The following ACSF2 variants were observed in gnomAD, a reference collection of about 807,000 sequenced individuals.
The protein encoded by ACSF2 is medium-chain acyl-CoA ligase ACSF2, mitochondrial.
A neutral mutation model predicts 79.3 loss-of-function variants in ACSF2; 52 were observed. The observed-to-expected ratio is 0.66, with a 90% CI of 0.53 to 0.83. The LOEUF is 0.83. ACSF2 is among the 40% of genes least tolerant of loss of function. The pLI is 0.00. For synonymous variants in ACSF2, 283 were observed against 312.6 expected, an observed-to-expected ratio of 0.91 and a Z score of 1.00; for missense variants, 661 against 803.3, an observed-to-expected ratio of 0.82 and a Z score of 2.14.
chr17:50,462,997 C>A (rs2032443221), intron 6 of ACSF2, 159 bp from the exon 7 acceptor site: 2 of 664,000 alleles, frequency 3.0e-6, no homozygotes, highest in African/African-American at 1.8e-5. Context: ...GACCCTGACA[C>A]CTGGTATCGT....
chr17:50,427,121 C>T, intron 1 of ACSF2: 1 of 845,342 alleles, frequency 1.2e-6, no homozygotes, highest in South Asian at 1.7e-5. Flanking sequence ...ACTGGGGAGC[C>T]CTGTGCACTA....
chr17:50,441,904 A>G (rs918383265), intron 1 of ACSF2, among the ~76,000 whole-genome samples: 6 of 152,114 alleles, frequency 3.9e-5, no homozygotes, highest in Admixed American at 6.6e-5. Context: ...GCATGGCACA[A>G]TCATGGCTTA....
chr17:50,455,979 G>A (rs1259566640), intron 1 of ACSF2, among the ~76,000 whole-genome samples: 1 of 152,072 alleles, frequency 6.6e-6, no homozygotes, highest in Non-Finnish European at 1.5e-5. Context: ...CATTTACAGG[G>A]CAACCCAGTT....
chr17:50,426,241 G>A lies in ACSF2; in HGVS notation c.-21G>A. On this transcript the variant is annotated 5_prime_UTR_variant, in exon 1 of 16. Coordinates refer to ENST00000300441, the MANE Select transcript of ACSF2 (RefSeq NM_025149.6). Reference sequence around the variant, plus strand: ...TCACTTTAAAAGTTTACTCGGGCCGGGACGCAGGGCAAAGCGAGCCATGGC... The same window carrying A: ...TCACTTTAAAAGTTTACTCGGGCCGAGACGCAGGGCAAAGCGAGCCATGGC... 7.5e-7 allele frequency: 1 copy of A among 1,326,560 alleles called. No individual in the cohort carries two copies. Among genetic ancestry groups the A allele is most frequent in the Non-Finnish European group, 9.7e-7 (1 of 1,031,204 alleles). The allele number at this position is 1,326,560 out of a possible 1,614,324, so 82.2% of individuals were successfully genotyped here.
chr17:50,463,242 G>T lies in ACSF2; in HGVS notation c.879G>T (p.Leu293=), dbSNP rs765934550. 6.2e-7 allele frequency: 1 copy of T among 1,614,114 alleles called. No homozygotes were observed. The highest frequency in any genetic ancestry group is 8.5e-7 in the Non-Finnish European group (1 of 1,180,032). ...ACATTTTAGGAGAGCGCCTGAAACT[G>T]CATGAGAAGGTGAGGCGGCACTAGG... ...NSNILGERLK[L]HEKTPEQLRM... Residue 293 remains leucine (L), a synonymous_variant, in exon 7 of 16, where the codon CTG becomes CTT. Transcript: ENST00000300441. The surrounding 1 kb of genome is among the most constrained non-coding windows in gnomAD (Gnocchi z 4.6).
chr17:50,464,123 A>G, intron 9 of ACSF2, 95 bp from the exon 10 acceptor site: 1 of 1,424,698 alleles, frequency 7.0e-7, no homozygotes. Flanking sequence ...TCAGAGGAGA[A>G]AAGGGAATGT....
intron 1 of ACSF2, chr17:50,450,545 G>A (rs920232426): frequency 6.6e-6 from 1 of 151,732 alleles, no homozygotes; most frequent in African/African-American, 2.4e-5. Flanking sequence ...TCCATTTTGT[G>A]GATTTGCTGG....
intron 6 of ACSF2, 27 bp downstream of exon 6, chr17:50,462,612 G>A (rs748224887): frequency 1.9e-6 from 3 of 1,605,412 alleles, no homozygotes; most frequent in Middle Eastern, 3.3e-4. Context: ...CAGGCCCCAA[G>A]CCCAGATGGA....
chr17:50,456,665 G>A (rs2032024692), intron 1 of ACSF2, among the ~76,000 whole-genome samples: 1 of 152,072 alleles, frequency 6.6e-6, no homozygotes, highest in Non-Finnish European at 1.5e-5. Context: ...CCAGGAGGCG[G>A]AGGTTGTGGT....
At chr17:50,440,889 A>C (rs756193541) in intron 1 of ACSF2, among the ~76,000 whole-genome samples, 11 of 152,266 alleles carry the variant, frequency 7.2e-5, no homozygotes, top group African/African-American at 1.2e-4. Context: ...GAGGCAGCAA[A>C]GAAAAAGAAT....
In ACSF2 at chr17:50,458,640, C is replaced by T. The variant is rs2032156933; in HGVS notation, c.129-2037C>T. The stretch of plus-strand genomic sequence containing the variant: ...CCTGTCTTTCCCACCAGACCCTTAT[C>T]TCTGCAAGGACAGGGACTGTATTTG... On this transcript the variant is annotated intron_variant, in intron 1 of 15. Transcript: ENST00000300441. 2.0e-5 allele frequency among the ~76,000 whole-genome samples: 3 copies of T among 152,224 alleles called. No individual in the cohort carries two copies. In the South Asian group the frequency reaches 6.2e-4, roughly 32 times the overall value.
chr17:50,446,477 C>T (rs915986720), intron 1 of ACSF2, among the ~76,000 whole-genome samples: 1 of 152,016 alleles, frequency 6.6e-6, no homozygotes, highest in Non-Finnish European at 1.5e-5. Context: ...AGGCTGATTT[C>T]GAACTCCTGA....
intron 3 of ACSF2, 76 bp downstream of exon 3, chr17:50,461,446 G>T: frequency 6.2e-7 from 1 of 1,604,382 alleles, no homozygotes. Flanking sequence ...CAGGCCCTCA[G>T]CCCCAGGATC....
At position 50,472,425 on chromosome 17, in the gene ACSF2, C is replaced by T; in HGVS notation, c.1324-3C>T. 1 of 1,610,788 alleles carries T rather than the reference C, an allele frequency of 6.2e-7. No individual in the cohort carries two copies. The highest frequency in any genetic ancestry group is 8.5e-7 in the Non-Finnish European group (1 of 1,178,622). Reference sequence around the variant, plus strand: ...GCCCCAACCTGAGGCCATCCTGTCCCAGGCCCGGATCATGAACATGGAGGC... The same window carrying T: ...GCCCCAACCTGAGGCCATCCTGTCCTAGGCCCGGATCATGAACATGGAGGC... On this transcript the variant is annotated splice_region_variant and splice_polypyrimidine_tract_variant and intron_variant, in intron 11 of 15. Transcript: ENST00000300441.
intron 1 of ACSF2, among the ~76,000 whole-genome samples, chr17:50,449,379 T>G (rs2031515626): frequency 6.6e-6 from 1 of 151,246 alleles, no homozygotes; most frequent in Non-Finnish European, 1.5e-5. Flanking sequence ...TTCCACCATG[T>G]TGTAATATGT....
intron 1 of ACSF2, among the ~76,000 whole-genome samples, chr17:50,442,517 A>G (rs1223847306): frequency 6.6e-6 from 1 of 151,994 alleles, no homozygotes; most frequent in Non-Finnish European, 1.5e-5. Context: ...CCAGGCTGGC[A>G]TGCAGTGACA....
At chr17:50,468,759 C>G in intron 10 of ACSF2, 24 of 1,594,664 alleles carry the variant, frequency 1.5e-5, no homozygotes, top group Non-Finnish European at 2.0e-5. Context: ...GCGGCCAGCG[C>G]CGGCAGCAGA....
chr17:50,445,230 A>G (rs977108932), intron 1 of ACSF2, among the ~76,000 whole-genome samples: 7 of 152,180 alleles, frequency 4.6e-5, no homozygotes, highest in Admixed American at 2.6e-4. Context: ...GAGGCTGTCA[A>G]TCAACCTTTT....
chr17:50,468,861 C>T (rs1447705958), intron 10 of ACSF2: 2 of 1,446,858 alleles, frequency 1.4e-6, no homozygotes, highest in Admixed American at 5.6e-5. Context: ...GGCGGCGGGG[C>T]GCGGGCAGCG....
Sources: gnomAD v4.1 joint callset for allele counts (sites outside exome capture counted in the v4.1 genomes callset) on GRCh38, gnomAD v4.1.1 for gene constraint, Gnocchi (gnomAD v3.1) non-coding constraint, MANE v1.5 for transcripts, NCBI Gene and HGNC (gene_info 2026-07-23, HGNC 2026-07-21) for gene names.